Variants in CAPN11 observed in about 807,000 individuals in gnomAD.
CAPN11 encodes calpain 11.
A neutral mutation model predicts 105.3 loss-of-function variants in CAPN11; 108 were observed. That is an observed-to-expected ratio of 1.03 (90% CI 0.88 to 1.20). The LOEUF (loss-of-function observed/expected upper bound fraction) is 1.20, where lower values mean the gene tolerates loss of function less well. Among genes scored for constraint, CAPN11 ranks in the 50% most tolerant of loss-of-function variants. CAPN11 has a pLI of 0.00. For synonymous variants in CAPN11, 329 were observed against 344.5 expected, an observed-to-expected ratio of 0.96 and a Z score of 0.50; for missense variants, 883 against 924.8, an observed-to-expected ratio of 0.95 and a Z score of 0.59.
Position 44,176,154 on chromosome 6 carries a change from G to A in CAPN11, c.915+3G>A, listed in dbSNP as rs780824429. The A allele has an allele frequency of 1.3e-6, 2 of 1,573,554 alleles. No homozygotes were observed. Among genetic ancestry groups the A allele is most frequent in the South Asian group, 2.2e-5 (2 of 89,538 alleles). ...ACTCTGTGACTGGCCTTCAGGATGT[G>A]AGTCCTGAGAAATGCGCCCTACCCT... On this transcript the variant is annotated splice_donor_region_variant and intron_variant, in intron 8 of 22. Coordinates refer to ENST00000398776, the MANE Select transcript of CAPN11 (RefSeq NM_007058.4).
intron 12 of CAPN11, among the ~76,000 whole-genome samples, chr6:44,178,503 G>T (rs1772526189): frequency 6.6e-6 from 1 of 152,058 alleles, no homozygotes; most frequent in African/African-American, 2.4e-5. Flanking sequence ...CATCTACTGT[G>T]TGCCAGGCCC....
intron 2 of CAPN11, 147 bp from the exon 3 acceptor site, chr6:44,169,134 A>G: frequency 1.1e-6 from 1 of 905,366 alleles, no homozygotes; most frequent in Non-Finnish European, 1.7e-6. Context: ...AGATCTCACC[A>G]TGTTGCCCAG....
In CAPN11 at chr6:44,172,502, CT is replaced by C. The variant is rs1244699125; in HGVS notation, c.528+86del. On this transcript the variant is annotated intron_variant, in intron 5 of 22. Transcript: ENST00000398776. Reference sequence around the variant, plus strand: ...TATGCTTTGAAGTTTACCTTCTTTCCTTTTGAAAAATAGCATTTATTAGGGT... The same window carrying C: ...TATGCTTTGAAGTTTACCTTCTTTCCTTTGAAAAATAGCATTTATTAGGGT... 3.1e-4 allele frequency: 257 copies of C among 821,276 alleles called. 1 individual carries two copies. Among genetic ancestry groups the C allele is most frequent in the Non-Finnish European group, 3.0e-5 (16 of 541,572 alleles). The allele number at this position is 821,276 out of a possible 1,614,324, so 50.9% of individuals were successfully genotyped here.
At chr6:44,170,059 C>G in intron 4 of CAPN11, 84 bp downstream of exon 4, 1 of 1,078,666 alleles carries the variant, frequency 9.3e-7, no homozygotes, top group South Asian at 1.3e-5. Flanking sequence ...AGCTGGGAAA[C>G]AGGGAGCCCT....
chr6:44,184,132 T>A lies in CAPN11; in HGVS notation c.*200T>A, dbSNP rs886333950. The A allele has an allele frequency of 5.6e-5, 33 of 593,650 alleles. No homozygotes were observed. The East Asian group carries it at 7.2e-4, about 13-fold the overall frequency. The allele number at this position is 593,650 out of a possible 1,614,324, so 36.8% of individuals were successfully genotyped here. A position where few individuals can be genotyped will look rare whatever the true frequency, so the allele number is the denominator to read the frequency against. ...GTGCCCACTCCCCCAGCTCAGAGGC[T>A]TTCTCTTTTTTCCCCAACCCGGCTT... On this transcript the variant is annotated 3_prime_UTR_variant, in exon 23 of 23. Transcript: ENST00000398776.
rs756545625 is a variant in CAPN11, at chr6:44,176,656, G to A, written c.1076+1G>A. The A allele has an allele frequency of 7.5e-6, 12 of 1,597,678 alleles. No individual in the cohort carries two copies. The highest frequency in any genetic ancestry group is 2.2e-5 in the East Asian group (1 of 44,658). On this transcript the variant is annotated splice_donor_variant, in intron 10 of 22. Transcript: ENST00000398776. LOFTEE classifies it high-confidence loss of function. ...ACAAGACGGAGGACGGGGAGTTCTG[G>A]TCAGTGTGGCTTGGGGTGGGCTTCT... is the stretch of plus-strand genomic sequence containing the variant.
chr6:44,181,455 A>ACACACTCACATACAGACACAACCACAC (rs1561853807), intron 19 of CAPN11, 135 bp downstream of exon 19: 1 of 537,248 alleles, frequency 1.9e-6, no homozygotes. Context: ...ACACTCACAC[A>ACACACTCACATACAGACACAACCACAC]CACACACACA....
intron 19 of CAPN11, among the ~76,000 whole-genome samples, chr6:44,182,269 TACAGACACAACCACACCACACACA>T (rs1773847949): frequency 2.5e-4 from 5 of 19,766 alleles, no homozygotes; most frequent in Non-Finnish European, 4.9e-4. Flanking sequence ...CACACACACA[TACAGACACAACCACACCACACACA>T]CACACACACA....
chr6:44,176,391 CCAGGTGGACCGA>C, intron 9 of CAPN11, 53 bp downstream of exon 9: 1 of 1,500,002 alleles, frequency 6.7e-7, no homozygotes, highest in South Asian at 1.1e-5. Flanking sequence ...GCAGGCGGTG[CCAGGTGGACCGA>C]CTGGTGTCCC....
At chr6:44,175,945 ATAAT>A (rs2128307071) in intron 7 of CAPN11, 119 bp from the exon 8 acceptor site, 1 of 623,008 alleles carries the variant, frequency 1.6e-6, no homozygotes, top group East Asian at 2.8e-5. Context: ...AATAATGATA[ATAAT>A]TTAAAAGTTT....
At position 44,181,256 on chromosome 6, in the gene CAPN11, A is replaced by G; in HGVS notation, c.1874A>G (p.Asp625Gly). 6.2e-7 allele frequency: 1 copy of G among 1,613,506 alleles called. No homozygotes were observed. Among genetic ancestry groups the G allele is most frequent in the Admixed American group, 1.7e-5 (1 of 59,992 alleles). ...CRCMINLMDK[D>G]GSGKLGLLEF... The stretch of plus-strand genomic sequence containing the variant: ...CTGTCCTTGACCACCTTCCAGAAAG[A>G]TGGCTCTGGCAAGCTGGGGCTTCTA... Residue 625 changes from aspartate (D) to glycine (G), a missense_variant, in exon 19 of 23, where the codon GAT (aspartate) becomes GGT (glycine). Transcript: ENST00000398776.
intron 1 of CAPN11, 50 bp downstream of exon 1, chr6:44,158,914 A>G: frequency 6.6e-7 from 1 of 1,510,598 alleles, no homozygotes; most frequent in Middle Eastern, 1.7e-4. Context: ...TGCAGGCTAG[A>G]GCCTCCCCCC....
chr6:44,176,569 T>G lies in CAPN11; in HGVS notation c.1002-12T>G. 1 of 1,611,790 alleles carries G rather than the reference T, an allele frequency of 6.2e-7. No individual in the cohort carries two copies. Among genetic ancestry groups the G allele is most frequent in the South Asian group, 1.1e-5 (1 of 90,942 alleles). On this transcript the variant is annotated splice_polypyrimidine_tract_variant and intron_variant, in intron 9 of 22. Coordinates refer to ENST00000398776, the MANE Select transcript of CAPN11 (RefSeq NM_007058.4). ...TCCGCCCCTCTCCTTCCACCGCCCA[T>G]CTCTGCTCCAGTGCCAGGGAGTGGG...
chr6:44,169,963 C>T lies in CAPN11; in HGVS notation c.397C>T (p.Gln133Ter), dbSNP rs189429774. The change falls in exon 4 of 23, where the codon CAG becomes TAG. Residue 133 changes from glutamine to a stop codon, truncating the protein, a stop_gained. Coordinates refer to ENST00000398776, the MANE Select transcript of CAPN11 (RefSeq NM_007058.4). LOFTEE classifies it high-confidence loss of function. ...TGGGATTTCTCCAACAGACATCTGC[C>T]AGGGGATCCTCGGTGAGTGGGGCAC... Reference protein sequence around the residue: ...MDGISPTDICQGILGDCWLLA... With the variant: ...MDGISPTDIC The T allele has an allele frequency of 1.4e-4, 233 of 1,611,140 alleles. No homozygotes were observed. The African/African-American group carries it at 2.9e-3, about 20-fold the overall frequency.
rs1772070613 is a variant in CAPN11 at position 44,176,599 on chromosome 6, G to C, written c.1020G>C (p.Glu340Asp). 1 of 1,611,914 alleles carries C rather than the reference G, an allele frequency of 6.2e-7. No individual in the cohort carries two copies. The highest frequency in any genetic ancestry group is 1.3e-5 in the African/African-American group (1 of 74,882). Residue 340 changes from glutamate (E) to aspartate (D), a missense_variant, in exon 10 of 23, where the codon GAG becomes GAC. Coordinates refer to ENST00000398776, the MANE Select transcript of CAPN11 (RefSeq NM_007058.4). ...GCTCCAGTGCCAGGGAGTGGGAAGA[G>C]GTGGCCTCAGACATCCAGATGCAGC... The part of the protein sequence containing the change: ...AWSDSAREWE[E>D]VASDIQMQLL...
At chr6:44,180,708 C>A in intron 16 of CAPN11, 40 bp from the exon 17 acceptor site, 1 of 1,613,248 alleles carries the variant, frequency 6.2e-7, no homozygotes, top group Non-Finnish European at 8.5e-7. Context: ...GGATGAGGGG[C>A]TGGAGGGGCC....
chr6:44,173,886 C>A (rs1771484166), intron 7 of CAPN11, among the ~76,000 whole-genome samples: 1 of 152,080 alleles, frequency 6.6e-6, no homozygotes. Flanking sequence ...GCCCAGCCAG[C>A]CCTGTTTACT....
In CAPN11 at chr6:44,172,292, G is replaced by A. The variant is rs1276493150; in HGVS notation, c.410-10G>A. 3 of 1,546,250 alleles carry A rather than the reference G, an allele frequency of 1.9e-6. No homozygotes were observed. Among genetic ancestry groups the A allele is most frequent in the Non-Finnish European group, 8.7e-7 (1 of 1,143,448 alleles). The stretch of plus-strand genomic sequence containing the variant: ...GCTCAGGGGTGGCAAAGCCCTGCCT[G>A]TCTTTCCAGGGGACTGCTGGCTGCT... On this transcript the variant is annotated splice_polypyrimidine_tract_variant and intron_variant, in intron 4 of 22. Coordinates refer to ENST00000398776, the MANE Select transcript of CAPN11 (RefSeq NM_007058.4).
chr6:44,167,906 ACT>A (rs1389933383), intron 2 of CAPN11, among the ~76,000 whole-genome samples: 1 of 119,876 alleles, frequency 8.3e-6, no homozygotes, highest in Admixed American at 8.2e-5. Flanking sequence ...ACAGAGTGAG[ACT>A]CTGTTTTGAA....
Sources: allele counts gnomAD v4.1 joint callset (sites outside exome capture counted in the v4.1 genomes callset), GRCh38; gene constraint gnomAD v4.1.1; transcripts MANE v1.5; gene names NCBI Gene and HGNC (gene_info 2026-07-23, HGNC 2026-07-21).